The following TBC1D19 variants were observed in gnomAD, a reference collection of about 807,000 sequenced individuals.
The protein encoded by TBC1D19 is TBC1 domain family member 19.
Under a neutral mutation model 89.0 loss-of-function variants are expected in TBC1D19, and 60 were observed. That is an observed-to-expected ratio of 0.67 (90% CI 0.55 to 0.84). The LOEUF is 0.84. TBC1D19 is among the 40% of genes least tolerant of loss of function. The pLI, the probability that TBC1D19 is intolerant of heterozygous loss-of-function variation, is 0.00. For synonymous variants in TBC1D19, 189 were observed against 199.7 expected (o/e 0.95, Z 0.45); for missense variants, 500 against 610.8 (o/e 0.82, Z 1.91).
At chr4:26,606,845 A>C (rs2109999289) in intron 1 of TBC1D19, among the ~76,000 whole-genome samples, 1 of 152,198 alleles carries the variant, frequency 6.6e-6, no homozygotes, top group South Asian at 2.1e-4. Flanking sequence ...TTTCTGTAGA[A>C]CTTCCTATGC....
In TBC1D19 at chr4:26,638,847, T is replaced by C; in HGVS notation, c.433+13T>C. On this transcript the variant is annotated intron_variant, in intron 6 of 20. Transcript: ENST00000264866. ...ACTGATGAACCAGGTATGTGAACAATTTTTTCTGAATGTAGTAGTGGAAAA... is the reference window on the plus strand; with the variant it reads ...ACTGATGAACCAGGTATGTGAACAACTTTTTCTGAATGTAGTAGTGGAAAA... The C allele has an allele frequency of 1.9e-6, 3 of 1,598,004 alleles. No individual in the cohort carries two copies. Among genetic ancestry groups the C allele is most frequent in the Non-Finnish European group, 2.6e-6 (3 of 1,172,144 alleles).
chr4:26,697,222 T>G (rs572455476), intron 13 of TBC1D19, among the ~76,000 whole-genome samples: 33 of 152,124 alleles, frequency 2.2e-4, no homozygotes, highest in Non-Finnish European at 3.4e-4. Context: ...GAGAATACTA[T>G]AAACACCTCT....
chr4:26,620,575 A>G, intron 3 of TBC1D19, 38 bp from the exon 4 acceptor site: 1 of 1,560,160 alleles, frequency 6.4e-7, no homozygotes, highest in Non-Finnish European at 8.8e-7. Flanking sequence ...AACCAAGAGA[A>G]TAATGTGTGA....
At chr4:26,761,380 A>G in the TBC1D19 span, among the ~76,000 whole-genome samples, 1 of 152,184 alleles carries the variant, frequency 6.6e-6, no homozygotes, top group African/African-American at 2.4e-5. Context: ...AATTTTACTC[A>G]GTAATATTTT....
At chr4:26,620,761 A>G (rs1336708106) in intron 4 of TBC1D19, 73 bp downstream of exon 4, 46 of 1,320,948 alleles carry the variant, frequency 3.5e-5, no homozygotes, top group Middle Eastern at 2.0e-4. Flanking sequence ...ATCATTACTG[A>G]TGTCAGGAGT....
chr4:26,609,654 A>G (rs774091451), intron 1 of TBC1D19, among the ~76,000 whole-genome samples: 4 of 152,240 alleles, frequency 2.6e-5, no homozygotes, highest in East Asian at 1.9e-4. Flanking sequence ...ATTTGTAGAG[A>G]TAAGTTGGGT....
intron 13 of TBC1D19, among the ~76,000 whole-genome samples, chr4:26,710,163 T>C (rs1160654628): frequency 1.3e-5 from 2 of 152,096 alleles, no homozygotes; most frequent in Non-Finnish European, 2.9e-5. Context: ...GTATATCTCC[T>C]AATGCTATCC....
chr4:26,597,106 C>T (rs1054433523), intron 1 of TBC1D19, among the ~76,000 whole-genome samples: 2 of 152,120 alleles, frequency 1.3e-5, no homozygotes, highest in African/African-American at 2.4e-5. Context: ...CTGTTCAGCT[C>T]TTCTATAATC....
chr4:26,584,126 G>C lies in TBC1D19; in HGVS notation c.-68G>C, dbSNP rs1325351997. ...GAGAAGTGTCACTGGCCCTGAGTGG[G>C]ACCCGGTAGCCCGTTCGCTCCGCGC... On this transcript the variant is annotated 5_prime_UTR_variant, in exon 1 of 21. Coordinates refer to ENST00000264866, the MANE Select transcript of TBC1D19 (RefSeq NM_018317.4). 19 of 1,511,262 alleles carry C rather than the reference G, an allele frequency of 1.3e-5. No homozygotes were observed. The highest frequency in any genetic ancestry group is 1.6e-5 in the Non-Finnish European group (18 of 1,105,180). 93.6% of individuals were successfully genotyped at this position (1,511,262 alleles called of 1,614,324 possible).
intron 1 of TBC1D19, among the ~76,000 whole-genome samples, chr4:26,597,391 T>C (rs1740292969): frequency 6.6e-6 from 1 of 152,194 alleles, no homozygotes; most frequent in Non-Finnish European, 1.5e-5. Flanking sequence ...GCATTAGGTT[T>C]CTTTTGGTTA....
chr4:26,839,221 A>G, the TBC1D19 span, among the ~76,000 whole-genome samples: 1 of 152,112 alleles, frequency 6.6e-6, no homozygotes, highest in South Asian at 2.1e-4. Flanking sequence ...TAAACTTGCC[A>G]TAAAAACGAT....
At chr4:26,742,381 A>G (rs1347380661) in intron 17 of TBC1D19, 127 bp from the exon 18 acceptor site, 4 of 683,108 alleles carry the variant, frequency 5.9e-6, no homozygotes, top group Non-Finnish European at 9.2e-6. Context: ...CATGTTTTTG[A>G]CTCTTAAACA....
chr4:26,823,303 C>T, the TBC1D19 span, among the ~76,000 whole-genome samples: 2 of 152,172 alleles, frequency 1.3e-5, no homozygotes, highest in Non-Finnish European at 2.9e-5. Flanking sequence ...CCTCCCACAA[C>T]ACGTGGGCAT....
the TBC1D19 span, among the ~76,000 whole-genome samples, chr4:26,799,254 G>A: frequency 6.6e-6 from 1 of 152,068 alleles, no homozygotes; most frequent in African/African-American, 2.4e-5. Flanking sequence ...TGAGATGGGA[G>A]GATCATTTGA....
chr4:26,774,415 C>G, the TBC1D19 span, among the ~76,000 whole-genome samples: 2 of 152,230 alleles, frequency 1.3e-5, no homozygotes, highest in Non-Finnish European at 2.9e-5. Flanking sequence ...CTGAATCTTC[C>G]AATCCATGAA....
At chr4:26,735,396 C>A in intron 15 of TBC1D19, 59 bp from the exon 16 acceptor site, 1 of 1,362,928 alleles carries the variant, frequency 7.3e-7, no homozygotes, top group Non-Finnish European at 1.0e-6. Context: ...TCTTTTAAAG[C>A]TTACCTAATA....
intron 1 of TBC1D19, among the ~76,000 whole-genome samples, chr4:26,610,444 AGATATTTT>A (rs1244746047): frequency 7.5e-6 from 1 of 133,920 alleles, no homozygotes; most frequent in Non-Finnish European, 1.6e-5. Context: ...CTGTTCTGTT[AGATATTTT>A]ATTATTCTTA....
At chr4:26,615,135 C>T (rs1007835570) in intron 3 of TBC1D19, among the ~76,000 whole-genome samples, 6 of 151,962 alleles carry the variant, frequency 3.9e-5, no homozygotes, top group African/African-American at 1.5e-4. Context: ...ATAAACTATC[C>T]ATTCTAATCA....
chr4:26,592,220 G>C (rs1468033139), intron 1 of TBC1D19, among the ~76,000 whole-genome samples: 1 of 152,140 alleles, frequency 6.6e-6, no homozygotes. Flanking sequence ...CATATAAACA[G>C]AATCAATGAC....
Sources: allele counts gnomAD v4.1 joint callset (sites outside exome capture counted in the v4.1 genomes callset), GRCh38; gene constraint gnomAD v4.1.1; transcripts MANE v1.5; gene names NCBI Gene and HGNC (gene_info 2026-07-23, HGNC 2026-07-21).